The following KLHL5 variants were observed in gnomAD, a reference collection of about 807,000 sequenced individuals.
KLHL5 encodes kelch like family member 5.
In KLHL5, 48 loss-of-function variants were observed where a neutral mutation model predicts 77.7. That is an observed-to-expected ratio of 0.62 (90% confidence interval 0.49 to 0.79). The LOEUF is 0.79. KLHL5 is among the 30% of genes least tolerant of loss of function. The probability of loss-of-function intolerance (pLI) is 0.00; values close to 1 mark genes in which losing one functional copy is unlikely to be tolerated. For missense variants in KLHL5, 723 were observed against 859.7 expected, an observed-to-expected ratio of 0.84 and a Z score of 1.99; for synonymous variants, 260 against 297.0, an observed-to-expected ratio of 0.88 and a Z score of 1.28.
chr4:39,136,982 A>C, the KLHL5 span, among the ~76,000 whole-genome samples: 1 of 152,190 alleles, frequency 6.6e-6, no homozygotes, highest in Non-Finnish European at 1.5e-5. Context: ...GATTGTTTCC[A>C]TAGAAGATTG....
At chr4:39,126,504 C>G (rs1723552848), downstream of KLHL5, among the ~76,000 whole-genome samples, 1 of 152,124 alleles carries the variant, frequency 6.6e-6, no homozygotes, top group African/African-American at 2.4e-5. Flanking sequence ...GGCATCATCG[C>G]TAGACTTCAC....
chr4:39,085,072 A>G (rs1000981646), intron 4 of KLHL5, among the ~76,000 whole-genome samples: 4 of 152,186 alleles, frequency 2.6e-5, no homozygotes, highest in African/African-American at 9.6e-5. Context: ...TGAGAGTTTC[A>G]ACATTTTTGT....
intron 10 of KLHL5, among the ~76,000 whole-genome samples, chr4:39,118,638 C>A (rs574631886): frequency 6.6e-4 from 100 of 152,182 alleles, no homozygotes; most frequent in African/African-American, 2.3e-3. Context: ...CACCTATAAT[C>A]CCAGCTACTT....
In KLHL5 at chr4:39,121,160, T is replaced by C; in HGVS notation, c.*94T>C. On this transcript the variant is annotated 3_prime_UTR_variant, in exon 11 of 11. Coordinates refer to ENST00000504108, the MANE Select transcript of KLHL5 (RefSeq NM_015990.5). ...TGGATACATTTTTAGTAAATGTGCA[T>C]TGTCACAATCCTGGGCACAAAGTGC... 1.0e-6 allele frequency: 1 copy of C among 989,592 alleles called. No homozygotes were observed. Among genetic ancestry groups the C allele is most frequent in the Non-Finnish European group, 1.6e-6 (1 of 630,660 alleles). The allele number at this position is 989,592 out of a possible 1,614,324, so 61.3% of individuals were successfully genotyped here. A position where few individuals can be genotyped will look rare whatever the true frequency, so the allele number is the denominator to read the frequency against.
intron 4 of KLHL5, among the ~76,000 whole-genome samples, chr4:39,086,260 A>G (rs1720025406): frequency 6.6e-6 from 1 of 152,230 alleles, no homozygotes; most frequent in Admixed American, 6.5e-5. Flanking sequence ...TAACACTTAA[A>G]TGTCCTAGGT....
chr4:39,132,312 A>G, the KLHL5 span, among the ~76,000 whole-genome samples: 2 of 152,190 alleles, frequency 1.3e-5, no homozygotes. Flanking sequence ...AAATCTTCCC[A>G]CAAAGAAAAC....
intron 1 of KLHL5, among the ~76,000 whole-genome samples, chr4:39,053,709 G>A (rs58544131): frequency 0.028 from 4,326 of 152,274 alleles, 180 homozygotes; most frequent in African/African-American, 0.098. Flanking sequence ...TAACGATTTT[G>A]TTATATCATA....
chr4:39,056,339 G>T (rs1717003330), intron 1 of KLHL5, among the ~76,000 whole-genome samples: 1 of 152,166 alleles, frequency 6.6e-6, no homozygotes, highest in African/African-American at 2.4e-5. Context: ...TCGAATTCCT[G>T]ACCTCAAGTG....
chr4:39,061,186 T>G (rs571577996), upstream of KLHL5, among the ~76,000 whole-genome samples: 1 of 152,326 alleles, frequency 6.6e-6, no homozygotes, highest in African/African-American at 2.4e-5. Flanking sequence ...CATGAAATCA[T>G]ACTTGGCTTT....
At position 39,065,580 on chromosome 4, in the gene KLHL5, C is replaced by T. The variant is rs1378080835; in HGVS notation, c.383+2545C>T. Among the ~76,000 whole-genome samples the T allele has an allele frequency of 3.9e-5, 6 of 152,030 alleles. No homozygotes were observed. In the East Asian group the frequency reaches 1.2e-3, roughly 29 times the overall value. On this transcript the variant is annotated intron_variant, in intron 1 of 10. Transcript: ENST00000504108. ...TGTTGGCCAGGCTGGTCTTGAACTCCTGACCTCAAGTGATCCGCCCACGTC... is the reference window on the plus strand; with the variant it reads ...TGTTGGCCAGGCTGGTCTTGAACTCTTGACCTCAAGTGATCCGCCCACGTC...
intron 4 of KLHL5, among the ~76,000 whole-genome samples, chr4:39,084,479 A>G (rs1239794154): frequency 6.6e-6 from 1 of 152,224 alleles, no homozygotes; most frequent in East Asian, 1.9e-4. Flanking sequence ...AATCTAGAAG[A>G]CTTATAAAAA....
At chr4:39,061,309 A>G (rs1277863935), upstream of KLHL5, among the ~76,000 whole-genome samples, 1 of 152,200 alleles carries the variant, frequency 6.6e-6, no homozygotes, top group Non-Finnish European at 1.5e-5. Flanking sequence ...CAGCTTAGAT[A>G]GGCATTGCCT....
chr4:39,130,787 C>T (rs1464365457), downstream of KLHL5, among the ~76,000 whole-genome samples: 1 of 152,120 alleles, frequency 6.6e-6, no homozygotes, highest in Non-Finnish European at 1.5e-5. Flanking sequence ...TTTCAAGCAC[C>T]CTCAAGCACG....
At chr4:39,078,418 C>T (rs1719289565) in intron 2 of KLHL5, among the ~76,000 whole-genome samples, 1 of 148,188 alleles carries the variant, frequency 6.7e-6, no homozygotes, top group African/African-American at 2.5e-5. Flanking sequence ...ATAGGCCAGG[C>T]TTGGTAGGCT....
At chr4:39,110,287 A>G (rs530056642) in intron 8 of KLHL5, among the ~76,000 whole-genome samples, 1 of 152,332 alleles carries the variant, frequency 6.6e-6, no homozygotes, top group South Asian at 2.1e-4. Context: ...TTGATTGTCT[A>G]ATATGAGGAA....
At chr4:39,046,968 A>G (rs1716238097) in intron 1 of KLHL5, among the ~76,000 whole-genome samples, 1 of 152,216 alleles carries the variant, frequency 6.6e-6, no homozygotes, top group African/African-American at 2.4e-5. Flanking sequence ...AGTAAGTTTG[A>G]GATAACTAGA....
chr4:39,133,197 T>C, the KLHL5 span, among the ~76,000 whole-genome samples: 1 of 152,204 alleles, frequency 6.6e-6, no homozygotes, highest in Non-Finnish European at 1.5e-5. Context: ...GTGTTAAAAA[T>C]TATGCTAATT....
intron 5 of KLHL5, among the ~76,000 whole-genome samples, chr4:39,090,988 T>A (rs1342523071): frequency 9.8e-5 from 14 of 142,172 alleles, no homozygotes; most frequent in African/African-American, 3.6e-4. Flanking sequence ...GTTTTTAATT[T>A]TTTTTTTTTT....
intron 5 of KLHL5, among the ~76,000 whole-genome samples, chr4:39,088,068 T>G (rs193141943): frequency 4.6e-5 from 7 of 152,326 alleles, no homozygotes; most frequent in East Asian, 1.9e-4. Context: ...AAAAGGGAGT[T>G]ACATTTTTAC....
Sources: allele counts gnomAD v4.1 joint callset (sites outside exome capture counted in the v4.1 genomes callset), GRCh38; gene constraint gnomAD v4.1.1; transcripts MANE v1.5; gene names NCBI Gene and HGNC (gene_info 2026-07-23, HGNC 2026-07-21).